Variants in PGAP1 observed in about 807,000 individuals in gnomAD.
PGAP1 encodes the protein post-GPI attachment to proteins inositol deacylase 1, also known as GPI inositol-deacylase.
A neutral mutation model predicts 127.0 loss-of-function variants in PGAP1; 76 were observed. That is an observed-to-expected ratio of 0.60 (90% CI 0.50 to 0.72). The LOEUF (loss-of-function observed/expected upper bound fraction) is 0.72. PGAP1 is among the 30% of genes least tolerant of loss of function. The pLI is 0.00. For synonymous variants in PGAP1, 362 were observed against 366.5 expected (o/e 0.99, Z 0.14); for missense variants, 982 against 1,071.3 (o/e 0.92, Z 1.16).
intron 26 of PGAP1, among the ~76,000 whole-genome samples, chr2:196,842,510 A>C (rs1700442793): frequency 6.6e-6 from 1 of 152,036 alleles, no homozygotes; most frequent in Non-Finnish European, 1.5e-5. Flanking sequence ...TTATAGGGTT[A>C]ACTTCATAAA....
At chr2:196,921,854 G>A (rs1703204272) in intron 1 of PGAP1, among the ~76,000 whole-genome samples, 1 of 152,026 alleles carries the variant, frequency 6.6e-6, no homozygotes, top group African/African-American at 2.4e-5. Flanking sequence ...GGGAGTTGTA[G>A]GCAAATGGCA....
At chr2:196,925,356 C>A (rs2125844600) in intron 1 of PGAP1, among the ~76,000 whole-genome samples, 1 of 151,678 alleles carries the variant, frequency 6.6e-6, no homozygotes, top group Middle Eastern at 3.4e-3. Context: ...GCATCCTTCA[C>A]CCTAAAAAAA....
At chr2:196,902,490 G>T in intron 5 of PGAP1, 95 bp downstream of exon 5, 1 of 1,062,120 alleles carries the variant, frequency 9.4e-7, no homozygotes, top group Non-Finnish European at 1.4e-6. Flanking sequence ...CACTAACTCA[G>T]CAGTCATTAC....
chr2:196,843,859 T>G (rs1252375478), intron 25 of PGAP1, 29 bp downstream of exon 25: 2 of 1,358,134 alleles, frequency 1.5e-6, no homozygotes, highest in Middle Eastern at 3.8e-4. Context: ...TTGAACCACA[T>G]AAACAATAAT....
rs1298841205 is a variant in PGAP1 at position 196,886,800 on chromosome 2, C to A, written c.1174-920G>T. Among the ~76,000 whole-genome samples, 2 of 151,706 alleles carry A rather than the reference C, an allele frequency of 1.3e-5. 1 individual carries two copies. Among genetic ancestry groups the A allele is most frequent in the Middle Eastern group, 6.8e-3 (2 of 294 alleles). On this transcript the variant is annotated intron_variant, in intron 10 of 26. Coordinates refer to ENST00000354764, the MANE Select transcript of PGAP1 (RefSeq NM_024989.4). ...GCAACCTCTGCCTCCTGGGTTCAAG[C>A]GATTCTCCTGCCTCAGCCTCCAGAG...
At chr2:196,853,772 T>A (rs1362188016) in intron 20 of PGAP1, among the ~76,000 whole-genome samples, 1 of 152,152 alleles carries the variant, frequency 6.6e-6, no homozygotes, top group African/African-American at 2.4e-5. Context: ...GATTTTTACA[T>A]CCATACAACT....
At chr2:196,893,857 G>C (rs1214224039) in intron 7 of PGAP1, among the ~76,000 whole-genome samples, 1 of 152,042 alleles carries the variant, frequency 6.6e-6, no homozygotes, top group Non-Finnish European at 1.5e-5. Context: ...AAGTGTACTG[G>C]GTATAAAATC....
At chr2:196,875,935 G>A (rs1701555987) in intron 13 of PGAP1, 114 bp from the exon 14 acceptor site, 1 of 598,526 alleles carries the variant, frequency 1.7e-6, no homozygotes, top group African/African-American at 1.9e-5. Context: ...TTTGGAGAAA[G>A]TATCATCTAT....
At chr2:196,867,309 G>A (rs1701274281) in intron 19 of PGAP1, among the ~76,000 whole-genome samples, 5 of 152,182 alleles carry the variant, frequency 3.3e-5, no homozygotes, top group Admixed American at 3.3e-4. Flanking sequence ...AAAAGGATGA[G>A]TTCATGTCCT....
At chr2:196,889,252 G>C (rs1024083389) in intron 10 of PGAP1, among the ~76,000 whole-genome samples, 2 of 152,148 alleles carry the variant, frequency 1.3e-5, no homozygotes, top group Non-Finnish European at 2.9e-5. Context: ...GAATCTGCCA[G>C]GGTAAACTGC....
At chr2:196,849,441 T>C (rs1427084072) in intron 20 of PGAP1, among the ~76,000 whole-genome samples, 1 of 134,950 alleles carries the variant, frequency 7.4e-6, no homozygotes, top group Non-Finnish European at 1.6e-5. Context: ...TTTTTTTGTA[T>C]TTTTTTTTTT....
At chr2:196,906,094 C>T (rs1403903369) in intron 4 of PGAP1, among the ~76,000 whole-genome samples, 1 of 38,274 alleles carries the variant, frequency 2.6e-5, no homozygotes, top group East Asian at 4.6e-4. Context: ...TGGGTGGAGC[C>T]CACCACAGCT....
intron 9 of PGAP1, among the ~76,000 whole-genome samples, chr2:196,891,785 TAATC>T (rs1702108087): frequency 6.6e-6 from 1 of 152,086 alleles, no homozygotes; most frequent in Non-Finnish European, 1.5e-5. Flanking sequence ...GCATCCTCCT[TAATC>T]AATTAATAAC....
Position 196,841,179 on chromosome 2 carries a change from T to C in PGAP1, c.*55A>G. Reference sequence around the variant, plus strand: ...CATACTGATGGATCTGTGTGTTCCCTCTTATCACTGGCCCTAAACACATAA... The same window carrying C: ...CATACTGATGGATCTGTGTGTTCCCCCTTATCACTGGCCCTAAACACATAA... On this transcript the variant is annotated 3_prime_UTR_variant, in exon 27 of 27. Coordinates refer to ENST00000354764, the MANE Select transcript of PGAP1 (RefSeq NM_024989.4). The C allele has an allele frequency of 1.3e-6, 2 of 1,536,152 alleles. No homozygotes were observed. The highest frequency in any genetic ancestry group is 1.8e-6 in the Non-Finnish European group (2 of 1,133,928).
At chr2:196,857,184 C>T (rs116013879) in intron 20 of PGAP1, among the ~76,000 whole-genome samples, 2,325 of 152,278 alleles carry the variant, frequency 0.015, 51 homozygotes, top group African/African-American at 0.052. Flanking sequence ...AGTTGATAAA[C>T]GACTTCAGCA....
intron 19 of PGAP1, among the ~76,000 whole-genome samples, chr2:196,870,302 T>TC (rs1423291090): frequency 6.7e-6 from 1 of 150,304 alleles, no homozygotes; most frequent in Non-Finnish European, 1.5e-5. Context: ...TTTCTTTCTT[T>TC]TTTTTTTTTT....
intron 2 of PGAP1, 146 bp downstream of exon 2, chr2:196,919,851 T>C (rs1210690003): frequency 6.9e-6 from 5 of 722,206 alleles, no homozygotes; most frequent in Non-Finnish European, 1.1e-5. Flanking sequence ...GAAAATATTA[T>C]ATTTTGGTCT....
Position 196,902,687 on chromosome 2 carries a change from T to G in PGAP1, c.705A>C (p.Leu235Phe). The G allele has an allele frequency of 6.2e-7, 1 of 1,612,596 alleles. No homozygotes were observed. The highest frequency in any genetic ancestry group is 8.5e-7 in the Non-Finnish European group (1 of 1,178,618). The change falls in exon 5 of 27, where the codon TTA becomes TTC. Residue 235 changes from leucine to phenylalanine, a missense_variant. Coordinates refer to ENST00000354764, the MANE Select transcript of PGAP1 (RefSeq NM_024989.4). Reference sequence around the variant, plus strand: ...ATCCTCCAGCTACAGAAAGTGTGGTTAAATTTATGTGTCGAGCATTTAGAA... The same window carrying G: ...ATCCTCCAGCTACAGAAAGTGTGGTGAAATTTATGTGTCGAGCATTTAGAA... ...YWILNARHIN[L>F]TTLSVAGGFR...
intron 4 of PGAP1, 59 bp downstream of exon 4, chr2:196,912,823 T>C (rs1576195348): frequency 3.5e-6 from 5 of 1,440,046 alleles, no homozygotes; most frequent in Non-Finnish European, 4.7e-6. Context: ...GCCACAGAGA[T>C]TGATTTATTT....
Sources: allele counts gnomAD v4.1 joint callset (sites outside exome capture counted in the v4.1 genomes callset), GRCh38; gene constraint gnomAD v4.1.1; transcripts MANE v1.5; gene names NCBI Gene and HGNC (gene_info 2026-07-23, HGNC 2026-07-21).